Variants in ITGB2 observed in about 807,000 individuals in gnomAD.
ITGB2 encodes the protein integrin beta-2.
Under a neutral mutation model 86.8 loss-of-function variants are expected in ITGB2, and 56 were observed. The observed-to-expected ratio is 0.65, with a 90% CI of 0.52 to 0.81. ITGB2 has a LOEUF of 0.81. Among genes scored for constraint, ITGB2 ranks in the 30% least tolerant of loss-of-function variants. ITGB2 has a pLI of 0.00. For missense variants in ITGB2, 948 were observed against 1,061.2 expected, an observed-to-expected ratio of 0.89 and a Z score of 1.48; for synonymous variants, 457 against 450.4, an observed-to-expected ratio of 1.01 and a Z score of -0.19.
chr21:44,896,423 C>T (rs9979014), intron 8 of ITGB2, among the ~76,000 whole-genome samples: 36,141 of 152,228 alleles, frequency 0.24, 4,493 homozygotes, highest in Middle Eastern at 0.36. Flanking sequence ...CTCCCCCATG[C>T]TCACACATGC....
At chr21:44,907,781 C>A (rs951694969) in intron 3 of ITGB2, among the ~76,000 whole-genome samples, 2 of 152,112 alleles carry the variant, frequency 1.3e-5, no homozygotes, top group Non-Finnish European at 2.9e-5. Context: ...AGGATAAGCC[C>A]GGCCCCCAGA....
chr21:44,890,391 G>A (rs74397353), intron 11 of ITGB2, among the ~76,000 whole-genome samples, 169 bp from the exon 12 acceptor site: 4,234 of 152,310 alleles, frequency 0.028, 77 homozygotes, highest in Middle Eastern at 0.048. Flanking sequence ...TGCTCAAAAC[G>A]TGCAGGGGCC....
chr21:44,903,233 T>C lies in ITGB2; in HGVS notation c.499+132A>G, dbSNP rs1002732429. 4.9e-6 allele frequency: 5 copies of C among 1,029,592 alleles called. No homozygotes were observed. The South Asian group carries it at 6.6e-5, about 14-fold the overall frequency. The allele number at this position is 1,029,592 out of a possible 1,614,324, so 63.8% of individuals were successfully genotyped here. On this transcript the variant is annotated intron_variant, in intron 5 of 15. Transcript: ENST00000652462. ...GCCGACTGCAGCCCTGTGGATGCCC[T>C]GGGGGGACCTGCATCTGGGGCCCCC...
intron 5 of ITGB2, 97 bp from the exon 6 acceptor site, chr21:44,901,830 C>G: frequency 7.3e-7 from 1 of 1,362,342 alleles, no homozygotes; most frequent in Non-Finnish European, 1.0e-6. Context: ...TTTCCTCTCT[C>G]CTAGCAGGGA....
chr21:44,908,299 A>G, intron 3 of ITGB2: 1 of 494,236 alleles, frequency 2.0e-6, no homozygotes, highest in South Asian at 3.7e-5. Context: ...TTTATAAGAC[A>G]GGAGAAAAGA....
upstream of ITGB2, among the ~76,000 whole-genome samples, chr21:44,924,476 A>G (rs529806604): frequency 3.3e-5 from 5 of 152,240 alleles, no homozygotes; most frequent in African/African-American, 1.2e-4. Flanking sequence ...TCAAATAGAA[A>G]TGCAAATTTG....
intron 2 of ITGB2, 32 bp from the exon 3 acceptor site, chr21:44,910,404 C>T: frequency 6.2e-7 from 1 of 1,613,800 alleles, no homozygotes; most frequent in Non-Finnish European, 8.5e-7. Context: ...TGAGTGGGTG[C>T]TCTGGGCCGC....
In ITGB2 at chr21:44,916,584, G is replaced by A. The variant is rs1290947119; in HGVS notation, c.-4+4237C>T. ...GAAACCTCAGCATAAAAGCTAAGGG[G>A]AGGCCGGGCATGGTGGCTCATGCCT... On this transcript the variant is annotated intron_variant, in intron 1 of 15. Transcript: ENST00000652462. Among the ~76,000 whole-genome samples the A allele has an allele frequency of 4.6e-5, 7 of 152,260 alleles. No homozygotes were observed. In the East Asian group the frequency reaches 1.4e-3, roughly 30 times the overall value.
chr21:44,925,068 A>G (rs2084354550), upstream of ITGB2, among the ~76,000 whole-genome samples: 1 of 152,042 alleles, frequency 6.6e-6, no homozygotes, highest in African/African-American at 2.4e-5. Context: ...TGGTAAGATG[A>G]GAGGTAGCTG....
In ITGB2 at chr21:44,886,953, G is replaced by T. The variant is rs372983786; in HGVS notation, c.2081-51C>A. The T allele has an allele frequency of 1.9e-6, 3 of 1,604,030 alleles. No homozygotes were observed. The Admixed American group carries it at 5.0e-5, about 27-fold the overall frequency. ...CGTCAGTCCAGCCCCATCTCACTGAGCCGTGTGCCCACAGGTCCGAGGTCA... is the reference window on the plus strand; with the variant it reads ...CGTCAGTCCAGCCCCATCTCACTGATCCGTGTGCCCACAGGTCCGAGGTCA... On this transcript the variant is annotated intron_variant, in intron 14 of 15. Transcript: ENST00000652462.
chr21:44,910,524 A>C lies in ITGB2; in HGVS notation c.59-152T>G, dbSNP rs542470826. 4 of 1,503,342 alleles carry C rather than the reference A, an allele frequency of 2.7e-6. No individual in the cohort carries two copies. The African/African-American group carries it at 4.1e-5, about 16-fold the overall frequency. The allele number at this position is 1,503,342 out of a possible 1,614,324, so 93.1% of individuals were successfully genotyped here. A position where few individuals can be genotyped will look rare whatever the true frequency, so the allele number is the denominator to read the frequency against. Reference sequence around the variant, plus strand: ...GCATTCGCCACCACCCCCAGGTGCAAAGAGGGGCCCTCGGGAAACAGCACA... The same window carrying C: ...GCATTCGCCACCACCCCCAGGTGCACAGAGGGGCCCTCGGGAAACAGCACA... On this transcript the variant is annotated intron_variant, in intron 2 of 15. Transcript: ENST00000652462.
At chr21:44,897,995 C>T (rs2083893777) in intron 8 of ITGB2, among the ~76,000 whole-genome samples, 1 of 152,202 alleles carries the variant, frequency 6.6e-6, no homozygotes, top group Non-Finnish European at 1.5e-5. Flanking sequence ...GAGTGGTAGA[C>T]CCCGGCTGAG....
intron 14 of ITGB2, among the ~76,000 whole-genome samples, chr21:44,888,380 A>G (rs2083729300): frequency 6.6e-6 from 1 of 152,166 alleles, no homozygotes; most frequent in African/African-American, 2.4e-5. Context: ...ATCCAGCGGG[A>G]GATGGCCCGG....
chr21:44,901,085 C>T (rs558708753), intron 6 of ITGB2, among the ~76,000 whole-genome samples: 38 of 152,218 alleles, frequency 2.5e-4, no homozygotes, highest in Non-Finnish European at 1.2e-4. Context: ...ACTGGGTGGG[C>T]GGGACGTGGA....
chr21:44,892,604 C>CAAAAAAA lies in ITGB2; in HGVS notation c.1225-615_1225-609dup, dbSNP rs11327948. Among the ~76,000 whole-genome samples the CAAAAAAA allele has an allele frequency of 4.1e-3, 288 of 71,072 alleles. 6 individuals carry two copies. Among genetic ancestry groups the CAAAAAAA allele is most frequent in the African/African-American group, 7.8e-3 (142 of 18,278 alleles). 46.6% of individuals were successfully genotyped at this position (71,072 alleles called of 152,430 possible). ...TGGGCGACAGAGCGAAACTCCATCT[C>CAAAAAAA]AAAAAAAAAAAAAAAAAAAAAAATC... On this transcript the variant is annotated intron_variant, in intron 10 of 15. Coordinates refer to ENST00000652462, the MANE Select transcript of ITGB2 (RefSeq NM_000211.5).
At chr21:44,903,616 T>C in intron 4 of ITGB2, 81 bp from the exon 5 acceptor site, 5 of 1,537,316 alleles carry the variant, frequency 3.3e-6, no homozygotes, top group Non-Finnish European at 4.4e-6. Flanking sequence ...CCGAGCGGGC[T>C]GTGCACTGGC....
At position 44,907,043 on chromosome 21, in the gene ITGB2, T is replaced by C; in HGVS notation, c.200A>G (p.Gln67Arg). ...AGCCGCACAGCCCCTCATGAGCAGCTGTGGCCGGGTGTCGCAGCGAATGGA... is the reference window on the plus strand; with the variant it reads ...AGCCGCACAGCCCCTCATGAGCAGCCGTGGCCGGGTGTCGCAGCGAATGGA... ...PDSIRCDTRP[Q>R]LLMRGCAADD... Residue 67 changes from glutamine (Q) to arginine (R), a missense_variant, in exon 4 of 16, where the codon CAG becomes CGG. Gln to Arg is a conservative substitution (Grantham distance 43). Transcript: ENST00000652462. 6.2e-7 allele frequency: 1 copy of C among 1,612,542 alleles called. No individual in the cohort carries two copies. The highest frequency in any genetic ancestry group is 8.5e-7 in the Non-Finnish European group (1 of 1,178,736).
chr21:44,916,334 C>T (rs989707697), intron 1 of ITGB2, among the ~76,000 whole-genome samples: 1 of 151,654 alleles, frequency 6.6e-6, no homozygotes, highest in African/African-American at 2.4e-5. Flanking sequence ...CTGCTAAATA[C>T]CTGAAGTCAA....
chr21:44,891,972 C>T lies in ITGB2; in HGVS notation c.1249G>A (p.Ala417Thr). Residue 417 changes from alanine to threonine, a missense_variant, in exon 11 of 16, where the codon GCC (alanine) becomes ACC (threonine). Transcript: ENST00000652462. ...VPITFQVKVT[A>T]TECIQEQSFV... ...GACTGCTCCTGGATGCACTCTGTGG[C>T]CGTGACCTTCACCTGGAAGGTGATC... The T allele has an allele frequency of 6.2e-7, 1 of 1,612,916 alleles. No individual in the cohort carries two copies. Among genetic ancestry groups the T allele is most frequent in the Non-Finnish European group, 8.5e-7 (1 of 1,179,968 alleles).
Sources: allele counts gnomAD v4.1 joint callset (sites outside exome capture counted in the v4.1 genomes callset), GRCh38; gene constraint gnomAD v4.1.1; transcripts MANE v1.5; gene names NCBI Gene and HGNC (gene_info 2026-07-23, HGNC 2026-07-21).